SRRM4: variants seen among roughly 807,000 people sequenced by gnomAD.
SRRM4 encodes the protein serine/arginine repetitive matrix protein 4.
In SRRM4, 33 loss-of-function variants were observed where a neutral mutation model predicts 68.9. The observed-to-expected ratio is 0.48, with a 90% confidence interval of 0.36 to 0.64. The LOEUF is 0.64. Among genes scored for constraint, SRRM4 ranks in the 30% least tolerant of loss-of-function variants. SRRM4 has a pLI of 0.00. For missense variants in SRRM4, 817 were observed against 827.1 expected, an observed-to-expected ratio of 0.99 and a Z score of 0.15; for synonymous variants, 318 against 318.8, an observed-to-expected ratio of 1.00 and a Z score of 0.03.
At chr12:119,052,729 C>T (rs1366476889) in intron 1 of SRRM4, among the ~76,000 whole-genome samples, 2 of 152,054 alleles carry the variant, frequency 1.3e-5, no homozygotes, top group Admixed American at 1.3e-4. Context: ...GGGGTTTCAC[C>T]GTGTTAGCCA....
At chr12:119,060,946 C>T (rs1274031123) in intron 1 of SRRM4, among the ~76,000 whole-genome samples, 2 of 152,176 alleles carry the variant, frequency 1.3e-5, no homozygotes, top group Non-Finnish European at 2.9e-5. Flanking sequence ...TAGCCCTAAA[C>T]GATACCACGT....
At chr12:118,996,511 A>T (rs1335673223) in intron 1 of SRRM4, among the ~76,000 whole-genome samples, 1 of 152,276 alleles carries the variant, frequency 6.6e-6, no homozygotes, top group East Asian at 1.9e-4. Context: ...AGGAGTTAAT[A>T]GTATCAAAAA....
At chr12:119,040,822 T>C (rs1953663650) in intron 1 of SRRM4, among the ~76,000 whole-genome samples, 2 of 152,140 alleles carry the variant, frequency 1.3e-5, no homozygotes, top group African/African-American at 4.8e-5. Flanking sequence ...TGATCTCAGC[T>C]CACTGCAACT....
chr12:119,056,048 A>C (rs1592879575), intron 1 of SRRM4, among the ~76,000 whole-genome samples: 1 of 152,044 alleles, frequency 6.6e-6, no homozygotes, highest in African/African-American at 2.4e-5. Context: ...TGCTGTGTAC[A>C]CCCTGGCTAC....
rs1163694888 is a variant in SRRM4 at position 119,117,022 on chromosome 12, T to C, written c.437+14T>C. The C allele has an allele frequency of 6.2e-7, 1 of 1,613,346 alleles. No individual in the cohort carries two copies. Among genetic ancestry groups the C allele is most frequent in the Non-Finnish European group, 8.5e-7 (1 of 1,179,592 alleles). On this transcript the variant is annotated intron_variant, in intron 4 of 12. Transcript: ENST00000267260. ...CAAGCGACGCAGGTATTGTCCTTTTTCTCTGCAAACAAGACCTCCCCAGGT... is the reference window on the plus strand; with the variant it reads ...CAAGCGACGCAGGTATTGTCCTTTTCCTCTGCAAACAAGACCTCCCCAGGT...
intron 8 of SRRM4, among the ~76,000 whole-genome samples, chr12:119,143,779 G>T (rs886464384): frequency 6.6e-6 from 1 of 152,316 alleles, no homozygotes; most frequent in African/African-American, 2.4e-5. Flanking sequence ...AGTGGCATAG[G>T]AGTCATTTAA....
At chr12:119,084,487 T>G (rs1429918436) in intron 1 of SRRM4, among the ~76,000 whole-genome samples, 1 of 152,226 alleles carries the variant, frequency 6.6e-6, no homozygotes, top group Non-Finnish European at 1.5e-5. Flanking sequence ...ATTCAGGAAT[T>G]GCCTCCAGTG....
intron 1 of SRRM4, among the ~76,000 whole-genome samples, chr12:119,035,183 T>C (rs2136008244): frequency 6.6e-6 from 1 of 152,004 alleles, no homozygotes; most frequent in South Asian, 2.1e-4. Flanking sequence ...AATATTACCT[T>C]CTTTAACTAT....
intron 1 of SRRM4, among the ~76,000 whole-genome samples, chr12:119,043,888 G>A (rs1219390044): frequency 3.3e-5 from 5 of 151,368 alleles, no homozygotes; most frequent in East Asian, 3.9e-4. Flanking sequence ...TTTTTGAGAC[G>A]GAGTTTTGCT....
intron 5 of SRRM4, among the ~76,000 whole-genome samples, chr12:119,120,874 C>T (rs146164712): frequency 5.1e-4 from 77 of 152,212 alleles, no homozygotes; most frequent in African/African-American, 1.7e-3. Flanking sequence ...GTAACGGAGC[C>T]GAAATTCAAA....
At chr12:119,095,528 A>G (rs1258158039) in intron 1 of SRRM4, among the ~76,000 whole-genome samples, 1 of 152,134 alleles carries the variant, frequency 6.6e-6, no homozygotes, top group Non-Finnish European at 1.5e-5. Flanking sequence ...CACCCCACAG[A>G]GAGTTATAGG....
At chr12:119,079,433 CAG>C (rs1327006445) in intron 1 of SRRM4, among the ~76,000 whole-genome samples, 1 of 152,110 alleles carries the variant, frequency 6.6e-6, no homozygotes, top group Non-Finnish European at 1.5e-5. Flanking sequence ...AGATGGGAGA[CAG>C]AGAGACCAAT....
intron 8 of SRRM4, among the ~76,000 whole-genome samples, chr12:119,135,923 T>A (rs1404018210): frequency 2.0e-5 from 3 of 152,128 alleles, no homozygotes; most frequent in African/African-American, 4.8e-5. Flanking sequence ...TCATACCTAC[T>A]TATAGGATTG....
Position 119,158,964 on chromosome 12 carries a change from G to GT in SRRM4, c.*2170dup, listed in dbSNP as rs1174251452. 64 of 129,766 alleles carry GT rather than the reference G, an allele frequency of 4.9e-4. No homozygotes were observed. The South Asian group carries it at 7.1e-3, about 14-fold the overall frequency. The allele number at this position is 129,766 out of a possible 1,614,324, so 8.0% of individuals were successfully genotyped here. A position where few individuals can be genotyped will look rare whatever the true frequency, so the allele number is the denominator to read the frequency against. On this transcript the variant is annotated 3_prime_UTR_variant, in exon 13 of 13. Transcript: ENST00000267260. ...TATTGAATTATTTATTTATACAGAG[G>GT]TTTTGTGTGTGTGTGTGTGTGTGTG...
At chr12:119,145,915 T>A (rs1954399183) in intron 9 of SRRM4, among the ~76,000 whole-genome samples, 1 of 152,190 alleles carries the variant, frequency 6.6e-6, no homozygotes, top group Non-Finnish European at 1.5e-5. Flanking sequence ...TCTCATTACA[T>A]CTCTTATTCT....
chr12:119,106,299 T>G (rs971936542), intron 2 of SRRM4, among the ~76,000 whole-genome samples: 2 of 152,228 alleles, frequency 1.3e-5, no homozygotes, highest in Non-Finnish European at 2.9e-5. Flanking sequence ...CGGGCTCTTT[T>G]TTGGTTCCAT....
rs755104082 is a variant in SRRM4, at chr12:119,154,410, A to C, written c.1532+27A>C. On this transcript the variant is annotated intron_variant, in intron 12 of 12. Coordinates refer to ENST00000267260, the MANE Select transcript of SRRM4 (RefSeq NM_194286.4). This position sits in a 1 kb window ranked among gnomAD's most constrained non-coding sequence, Gnocchi z 4.7. ...TGAGGCCAGGGGGCAAGGGGGACCC[A>C]CCTTCATCCTCGTTCCCACTCCCAT... The C allele has an allele frequency of 1.2e-6, 2 of 1,607,136 alleles. No homozygotes were observed. Among genetic ancestry groups the C allele is most frequent in the South Asian group, 1.1e-5 (1 of 90,052 alleles).
intron 8 of SRRM4, chr12:119,144,626 A>G (rs1194534648): frequency 6.6e-6 from 1 of 152,220 alleles, no homozygotes; most frequent in Non-Finnish European, 1.5e-5. Context: ...GCTACCTTCT[A>G]CAAGGGGAAA....
chr12:119,078,611 A>G (rs1953929986), intron 1 of SRRM4, among the ~76,000 whole-genome samples: 1 of 152,164 alleles, frequency 6.6e-6, no homozygotes, highest in Non-Finnish European at 1.5e-5. Context: ...TGGCAAATCT[A>G]CAGTCATTCA....
Sources: gnomAD v4.1 joint callset for allele counts (sites outside exome capture counted in the v4.1 genomes callset) on GRCh38, gnomAD v4.1.1 for gene constraint, Gnocchi (gnomAD v3.1) non-coding constraint, MANE v1.5 for transcripts, NCBI Gene and HGNC (gene_info 2026-07-23, HGNC 2026-07-21) for gene names.